Variants in DENND6A observed in about 807,000 individuals in gnomAD.
DENND6A encodes protein DENND6A.
A neutral mutation model predicts 95.5 loss-of-function variants in DENND6A; 43 were observed. The observed-to-expected ratio is 0.45, with a 90% CI of 0.35 to 0.58. The LOEUF is 0.58. DENND6A is among the 20% of genes least tolerant of loss of function. DENND6A has a pLI of 0.00. For synonymous variants in DENND6A, 257 were observed against 260.4 expected (o/e 0.99, Z 0.13); for missense variants, 574 against 736.0 (o/e 0.78, Z 2.55).
intron 1 of DENND6A, among the ~76,000 whole-genome samples, chr3:57,685,049 G>T (rs1319095327): frequency 6.6e-6 from 1 of 152,018 alleles, no homozygotes; most frequent in Non-Finnish European, 1.5e-5. Context: ...GAGTAGCTGG[G>T]ATTACAGGTA....
rs1320517712 is a variant in DENND6A at position 57,666,110 on chromosome 3, C to T, written c.432+13G>A. On this transcript the variant is annotated intron_variant, in intron 4 of 19. Coordinates refer to ENST00000311128, the MANE Select transcript of DENND6A (RefSeq NM_152678.3). Reference sequence around the variant, plus strand: ...CTCTCACATGGACATTTTCCTATGACTACTTTTCCAACCTTTAAGTAAACT... The same window carrying T: ...CTCTCACATGGACATTTTCCTATGATTACTTTTCCAACCTTTAAGTAAACT... 1 of 1,606,166 alleles carries T rather than the reference C, an allele frequency of 6.2e-7. No homozygotes were observed. Among genetic ancestry groups the T allele is most frequent in the South Asian group, 1.1e-5 (1 of 90,334 alleles).
intron 3 of DENND6A, among the ~76,000 whole-genome samples, chr3:57,669,713 T>C (rs751660573): frequency 1.4e-4 from 20 of 148,134 alleles, no homozygotes; most frequent in Admixed American, 8.1e-4. Context: ...AGACTCCATC[T>C]CAAAAAAAAA....
chr3:57,649,557 T>C (rs149525538), intron 9 of DENND6A, among the ~76,000 whole-genome samples: 2 of 150,360 alleles, frequency 1.3e-5, no homozygotes, highest in African/African-American at 2.4e-5. Flanking sequence ...TTCTTGCACA[T>C]GCATGTTTAT....
intron 9 of DENND6A, 27 bp from the exon 10 acceptor site, chr3:57,646,465 C>T (rs2153413921): frequency 6.3e-7 from 1 of 1,583,974 alleles, no homozygotes; most frequent in Non-Finnish European, 8.6e-7. Context: ...AGTAGAAATA[C>T]TTTTTAATGT....
chr3:57,679,789 G>C (rs886269408), intron 1 of DENND6A, among the ~76,000 whole-genome samples: 3 of 152,200 alleles, frequency 2.0e-5, no homozygotes, highest in Non-Finnish European at 2.9e-5. Flanking sequence ...GAAGCTGCTG[G>C]AGAATTTTTA....
intron 1 of DENND6A, among the ~76,000 whole-genome samples, chr3:57,675,251 T>C (rs1267239603): frequency 6.6e-6 from 1 of 152,212 alleles, no homozygotes; most frequent in East Asian, 1.9e-4. Flanking sequence ...AAAAAGTTTT[T>C]GGTTTAAAGT....
In DENND6A at chr3:57,628,072, T is replaced by C. The variant is rs144976169; in HGVS notation, c.*142A>G. ...GCACTAAAAAGGTCTGTTTATACAA[T>C]ACAGTCTTTCTACCCTGTAACTAGC... On this transcript the variant is annotated 3_prime_UTR_variant, in exon 20 of 20. Transcript: ENST00000311128. The C allele has an allele frequency of 5.3e-4, 654 of 1,241,034 alleles. 6 individuals carry two copies. Among genetic ancestry groups the C allele is most frequent in the Middle Eastern group, 4.2e-3 (21 of 5,040 alleles). The allele number at this position is 1,241,034 out of a possible 1,614,324, so 76.9% of individuals were successfully genotyped here.
chr3:57,692,776 C>T lies in DENND6A; in HGVS notation c.237+6G>A, dbSNP rs1470369054. 2.0e-6 allele frequency: 3 copies of T among 1,502,260 alleles called. No homozygotes were observed. The highest frequency in any genetic ancestry group is 2.3e-5 in the Admixed American group (1 of 42,582). 93.1% of individuals were successfully genotyped at this position (1,502,260 alleles called of 1,614,324 possible). A position where few individuals can be genotyped will look rare whatever the true frequency, so the allele number is the denominator to read the frequency against. On this transcript the variant is annotated splice_donor_region_variant and intron_variant, in intron 1 of 19. Transcript: ENST00000311128. ...AGCGCCGAGAAAGGGCGGGGCCGGG[C>T]CTCACCTCCACGGCCTGGCCCAGCT...
intron 18 of DENND6A, among the ~76,000 whole-genome samples, chr3:57,629,573 G>A (rs575354778): frequency 9.7e-5 from 14 of 144,108 alleles, no homozygotes; most frequent in Admixed American, 6.4e-4. Flanking sequence ...GCACAGTGGC[G>A]CGATCTCAGC....
chr3:57,691,259 A>ATAAT (rs1418336563), intron 1 of DENND6A, among the ~76,000 whole-genome samples: 1 of 152,224 alleles, frequency 6.6e-6, no homozygotes, highest in African/African-American at 2.4e-5. Flanking sequence ...TAAATGGCTT[A>ATAAT]TAAATCTCTT....
intron 11 of DENND6A, among the ~76,000 whole-genome samples, chr3:57,642,130 T>A (rs1054417707): frequency 6.6e-6 from 1 of 151,636 alleles, no homozygotes; most frequent in African/African-American, 2.4e-5. Context: ...CTGGCCAACA[T>A]GGTGAAACCC....
intron 12 of DENND6A, among the ~76,000 whole-genome samples, chr3:57,639,462 A>G (rs769309263): frequency 1.3e-5 from 2 of 152,234 alleles, no homozygotes; most frequent in Non-Finnish European, 2.9e-5. Flanking sequence ...AGAGAAAACA[A>G]TCAGTAGTCT....
At chr3:57,687,955 C>G (rs1484819071) in intron 1 of DENND6A, among the ~76,000 whole-genome samples, 3 of 149,248 alleles carry the variant, frequency 2.0e-5, no homozygotes, top group African/African-American at 7.4e-5. Flanking sequence ...AAAAGAACAT[C>G]TGCTTTGTAA....
intron 11 of DENND6A, among the ~76,000 whole-genome samples, chr3:57,642,443 C>A (rs1363821780): frequency 6.6e-6 from 1 of 151,382 alleles, no homozygotes; most frequent in Non-Finnish European, 1.5e-5. Flanking sequence ...GCGTTTTTTG[C>A]CAAGTGGATG....
intron 9 of DENND6A, among the ~76,000 whole-genome samples, chr3:57,651,583 G>A (rs2071210245): frequency 6.6e-6 from 1 of 152,056 alleles, no homozygotes; most frequent in Non-Finnish European, 1.5e-5. Context: ...GGAATTAGCA[G>A]TGATGGTTGC....
chr3:57,665,665 T>C (rs1177424919), intron 4 of DENND6A, among the ~76,000 whole-genome samples: 4 of 152,074 alleles, frequency 2.6e-5, no homozygotes, highest in Non-Finnish European at 5.9e-5. Context: ...AAAACGTTCC[T>C]CATGTACTTA....
At chr3:57,645,621 T>A (rs748727244) in intron 11 of DENND6A, 40 bp downstream of exon 11, 1 of 1,453,190 alleles carries the variant, frequency 6.9e-7, no homozygotes, top group Non-Finnish European at 9.5e-7. Context: ...ATTTTGGTTA[T>A]AAAGGTAATA....
At chr3:57,688,192 T>C (rs1169143770) in intron 1 of DENND6A, among the ~76,000 whole-genome samples, 1 of 151,922 alleles carries the variant, frequency 6.6e-6, no homozygotes, top group East Asian at 1.9e-4. Context: ...GATGGGGTTT[T>C]ACCATGTTGG....
At chr3:57,673,690 C>T (rs181855678) in intron 1 of DENND6A, among the ~76,000 whole-genome samples, 2 of 152,252 alleles carry the variant, frequency 1.3e-5, no homozygotes, top group African/African-American at 4.8e-5. Flanking sequence ...CACATGTACC[C>T]CATATATATG....
Sources: gnomAD v4.1 joint callset for allele counts (sites outside exome capture counted in the v4.1 genomes callset) on GRCh38, gnomAD v4.1.1 for gene constraint, MANE v1.5 for transcripts, NCBI Gene and HGNC (gene_info 2026-07-23, HGNC 2026-07-21) for gene names.